The following CHD9 variants were observed in gnomAD, a reference collection of about 807,000 sequenced individuals.
CHD9 encodes chromodomain helicase DNA binding protein 9.
In CHD9, 77 loss-of-function variants were observed where a neutral mutation model predicts 316.1. That is an observed-to-expected ratio of 0.24 (90% CI 0.20 to 0.29). The LOEUF (loss-of-function observed/expected upper bound fraction) is 0.29. Among genes scored for constraint, CHD9 ranks in the 10% least tolerant of loss-of-function variants. The probability of loss-of-function intolerance (pLI) is 1.00; values close to 1 mark genes in which losing one functional copy is unlikely to be tolerated. For synonymous variants in CHD9, 1,129 were observed against 1,158.3 expected (o/e 0.97, Z 0.51); for missense variants, 2,763 against 3,438.1 (o/e 0.80, Z 4.91).
intron 3 of CHD9, among the ~76,000 whole-genome samples, chr16:53,210,508 A>C (rs888129062): frequency 5.9e-5 from 9 of 152,132 alleles, no homozygotes; most frequent in Non-Finnish European, 1.2e-4. Flanking sequence ...AAAAAATAAA[A>C]TACAGTAAAT....
intron 21 of CHD9, 94 bp from the exon 22 acceptor site, chr16:53,267,833 A>AT: frequency 8.8e-6 from 10 of 1,140,144 alleles, no homozygotes; most frequent in Non-Finnish European, 1.3e-5. Context: ...AAAAATGACA[A>AT]TTTTTTAAAG....
chr16:53,268,105 C>A lies in CHD9; in HGVS notation c.4696C>A (p.Arg1566=). Residue 1566 remains arginine (R), a synonymous_variant, in exon 22 of 39, where the codon CGA becomes AGA. Coordinates refer to ENST00000447540, the MANE Select transcript of CHD9 (RefSeq NM_001308319.2). ...LITPTEDGQT[R]ELQNHLGLSA... Reference sequence around the variant, plus strand: ...TACTCCAACTGAAGATGGACAGACACGAGAGCTACAGAATCATCTAGGTAA... The same window carrying A: ...TACTCCAACTGAAGATGGACAGACAAGAGAGCTACAGAATCATCTAGGTAA... The A allele has an allele frequency of 6.2e-7, 1 of 1,609,322 alleles. No individual in the cohort carries two copies. The highest frequency in any genetic ancestry group is 8.5e-7 in the Non-Finnish European group (1 of 1,177,302).
At chr16:53,168,048 C>CTTTATTTATTTA (rs557517155) in intron 2 of CHD9, among the ~76,000 whole-genome samples, 1 of 151,314 alleles carries the variant, frequency 6.6e-6, no homozygotes, top group Non-Finnish European at 1.5e-5. Flanking sequence ...ATAACATTTG[C>CTTTATTTATTTA]TTTATTTATT....
intron 1 of CHD9, among the ~76,000 whole-genome samples, chr16:53,063,045 G>T (rs979740807): frequency 1.3e-5 from 2 of 151,906 alleles, no homozygotes; most frequent in Admixed American, 6.6e-5. Context: ...AAAAATAAAA[G>T]AATTTTATTA....
At position 53,262,973 on chromosome 16, in the gene CHD9, A is replaced by G. The variant is rs1427792499; in HGVS notation, c.4210-14A>G. 6.3e-7 allele frequency: 1 copy of G among 1,599,238 alleles called. No homozygotes were observed. The highest frequency in any genetic ancestry group is 1.1e-5 in the South Asian group (1 of 90,606). On this transcript the variant is annotated splice_polypyrimidine_tract_variant and intron_variant, in intron 19 of 38. Transcript: ENST00000447540. ...GATAGATTTTTCCTCTAAAACTGCCATTATATATTTCAGGCGAGTTTTGTG... is the reference window on the plus strand; with the variant it reads ...GATAGATTTTTCCTCTAAAACTGCCGTTATATATTTCAGGCGAGTTTTGTG...
At chr16:53,132,463 C>T (rs1021798113) in intron 1 of CHD9, among the ~76,000 whole-genome samples, 1 of 152,184 alleles carries the variant, frequency 6.6e-6, no homozygotes, top group African/African-American at 2.4e-5. Context: ...GTTACCCATT[C>T]CCTAGACTCT....
intron 16 of CHD9, among the ~76,000 whole-genome samples, chr16:53,248,323 G>A (rs1174989028): frequency 2.9e-5 from 4 of 138,062 alleles, no homozygotes; most frequent in Admixed American, 7.1e-5. Flanking sequence ...GCGACAGAGC[G>A]AAACTCTGTC....
chr16:53,085,993 G>T (rs1477248897), intron 1 of CHD9, among the ~76,000 whole-genome samples: 1 of 152,184 alleles, frequency 6.6e-6, no homozygotes, highest in East Asian at 1.9e-4. Flanking sequence ...GAAAGAATGA[G>T]CAATGGAAAA....
chr16:53,209,671 G>T lies in CHD9; in HGVS notation c.1642G>T (p.Val548Leu). The change falls in exon 3 of 39, where the codon GTA becomes TTA. Residue 548 changes from valine to leucine, a missense_variant. Val to Leu is a conservative substitution (Grantham distance 32). Around this residue, in one of 15 missense-constraint regions of CHD9, gnomAD observed 859 missense variants for 890.4 expected, o/e 0.96. Transcript: ENST00000447540. ...GCGTGGGGAACGCAATATTCCACGAGTAATGAGCCCTGAAAACTTTCCTAC... is the reference window on the plus strand; with the variant it reads ...GCGTGGGGAACGCAATATTCCACGATTAATGAGCCCTGAAAACTTTCCTAC... The part of the protein sequence containing the change: ...KERGERNIPR[V>L]MSPENFPTAS... 1.9e-6 allele frequency: 3 copies of T among 1,613,862 alleles called. No homozygotes were observed. Among genetic ancestry groups the T allele is most frequent in the Admixed American group, 1.7e-5 (1 of 60,004 alleles).
chr16:53,072,958 G>A (rs557537422), intron 1 of CHD9, among the ~76,000 whole-genome samples: 2 of 152,184 alleles, frequency 1.3e-5, no homozygotes, highest in Non-Finnish European at 2.9e-5. Flanking sequence ...GTCTCCCAAA[G>A]TGCTGAGATT....
intron 12 of CHD9, among the ~76,000 whole-genome samples, chr16:53,240,586 A>C (rs2049006236): frequency 6.6e-6 from 1 of 152,024 alleles, no homozygotes; most frequent in African/African-American, 2.4e-5. Context: ...TTTAGAATTA[A>C]CTCTTTTAAA....
In CHD9 at chr16:53,063,830, CT is replaced by C. The variant is rs60131017; in HGVS notation, c.-165+8771del. Among the ~76,000 whole-genome samples, 1,230 of 135,320 alleles carry C rather than the reference CT, an allele frequency of 9.1e-3. 14 individuals carry two copies. The highest frequency in any genetic ancestry group is 0.024 in the African/African-American group (864 of 35,512). The allele number at this position is 135,320 out of a possible 152,430, so 88.8% of individuals were successfully genotyped here. Reference sequence around the variant, plus strand: ...ACAGGCATAAGCCACCATGCCTGGCCTTTTTTTTTTTTTTTTTTAAGAAAGA... The same window carrying C: ...ACAGGCATAAGCCACCATGCCTGGCCTTTTTTTTTTTTTTTTTAAGAAAGA... On this transcript the variant is annotated intron_variant, in intron 1 of 38. Coordinates refer to ENST00000447540, the MANE Select transcript of CHD9 (RefSeq NM_001308319.2).
intron 2 of CHD9, chr16:53,169,427 A>G (rs9924982): frequency 2.0e-5 from 3 of 152,194 alleles, no homozygotes; most frequent in Admixed American, 6.5e-5. Flanking sequence ...GGTAGCTCCA[A>G]GTCAGCTTAA....
At chr16:53,131,329 C>T (rs1294910782) in intron 1 of CHD9, 2 of 149,866 alleles carry the variant, frequency 1.3e-5, no homozygotes, top group African/African-American at 2.6e-5. Flanking sequence ...CCGCCGCCGC[C>T]GCCGCTGCTC....
chr16:53,242,834 T>G lies in CHD9; in HGVS notation c.2878-6T>G. ...CCAGCAAATAATTATATTTGATCATTTCTAGGGGCGTATCATTCGAGGAGC... is the reference window on the plus strand; with the variant it reads ...CCAGCAAATAATTATATTTGATCATGTCTAGGGGCGTATCATTCGAGGAGC... On this transcript the variant is annotated splice_region_variant and splice_polypyrimidine_tract_variant and intron_variant, in intron 12 of 38. Coordinates refer to ENST00000447540, the MANE Select transcript of CHD9 (RefSeq NM_001308319.2). The G allele has an allele frequency of 6.2e-7, 1 of 1,608,564 alleles. No individual in the cohort carries two copies. Among genetic ancestry groups the G allele is most frequent in the Non-Finnish European group, 8.5e-7 (1 of 1,176,764 alleles).
chr16:53,103,135 C>A (rs551651957), intron 1 of CHD9, among the ~76,000 whole-genome samples: 15 of 149,968 alleles, frequency 1.0e-4, no homozygotes, highest in Middle Eastern at 3.4e-3. Context: ...ATGAGCCACC[C>A]CACCTGGCCC....
intron 1 of CHD9, among the ~76,000 whole-genome samples, chr16:53,137,352 T>TTGCACTATTATGAATAATAC (rs1050388968): frequency 6.6e-6 from 1 of 152,188 alleles, no homozygotes; most frequent in Non-Finnish European, 1.5e-5. Flanking sequence ...GTTTTTAGTT[T>TTGCACTATTATGAATAATAC]TGCACTATTA....
At chr16:53,117,974 C>T (rs530205506) in intron 1 of CHD9, among the ~76,000 whole-genome samples, 52 of 151,974 alleles carry the variant, frequency 3.4e-4, no homozygotes, top group African/African-American at 1.2e-3. Context: ...TACAGGCACC[C>T]GCCACCACGC....
chr16:53,085,424 G>T (rs907053582), intron 1 of CHD9, among the ~76,000 whole-genome samples: 63 of 152,162 alleles, frequency 4.1e-4, no homozygotes, highest in African/African-American at 1.5e-3. Context: ...TGAGTTTCCT[G>T]ACATCTGCCT....
Sources: gnomAD v4.1 joint callset for allele counts (sites outside exome capture counted in the v4.1 genomes callset) on GRCh38, gnomAD v4.1.1 for gene constraint, gnomAD v4.1.1 regional missense constraint, MANE v1.5 for transcripts, NCBI Gene and HGNC (gene_info 2026-07-23, HGNC 2026-07-21) for gene names.